Variants in MAF observed in about 807,000 individuals in gnomAD.
The protein encoded by MAF is transcription factor Maf.
MAF carries 10 observed loss-of-function variants against 22.0 expected under a neutral mutation model. The observed-to-expected ratio is 0.45, with a 90% CI of 0.28 to 0.77. The LOEUF is 0.77. Among genes scored for constraint, MAF ranks in the 30% least tolerant of loss-of-function variants. The pLI, the probability that MAF is intolerant of heterozygous loss-of-function variation, is 0.12. For synonymous variants in MAF, 337 were observed against 255.8 expected (o/e 1.32, Z -3.03); for missense variants, 544 against 548.4 (o/e 0.99, Z 0.08).
chr16:79,511,898 A>G, the MAF span, among the ~76,000 whole-genome samples: 2 of 152,180 alleles, frequency 1.3e-5, no homozygotes, highest in South Asian at 2.1e-4. Context: ...GTCTGCAAAC[A>G]TAAGCCACCT....
the MAF span, among the ~76,000 whole-genome samples, chr16:79,544,619 A>C: frequency 4.0e-5 from 6 of 151,844 alleles, no homozygotes; most frequent in African/African-American, 1.5e-4. Context: ...CTAAAAATAC[A>C]AAAAATTAGC....
chr16:79,587,873 G>A lies in MAF; in HGVS notation c.1119-1932C>T, dbSNP rs369691980. On this transcript the variant is annotated intron_variant, in intron 1 of 1. Transcript: ENST00000569649. ...ATCAAAGCATTTACTTTCAAAAGGG[G>A]GGGGGGGGTAGATACTATTTGCACA... Among the ~76,000 whole-genome samples the A allele has an allele frequency of 1.5e-3, 224 of 148,082 alleles. 4 individuals are homozygous for A. The highest frequency in any genetic ancestry group is 5.5e-3 in the African/African-American group (220 of 40,228).
chr16:79,481,097 G>C, the MAF span, among the ~76,000 whole-genome samples: 1 of 152,302 alleles, frequency 6.6e-6, no homozygotes, highest in Admixed American at 6.5e-5. Flanking sequence ...CCATAGGACA[G>C]AATTCTGTTC....
chr16:79,469,751 C>T, the MAF span, among the ~76,000 whole-genome samples: 10 of 152,160 alleles, frequency 6.6e-5, no homozygotes, highest in African/African-American at 2.2e-4. Flanking sequence ...TGCCCGCCAC[C>T]TTGTCTGGCT....
chr16:79,589,475 A>G (rs145457062), downstream of MAF, among the ~76,000 whole-genome samples: 10 of 152,174 alleles, frequency 6.6e-5, no homozygotes, highest in East Asian at 1.9e-3. Context: ...TCTGTCTCTA[A>G]CCGAAGCAGG....
chr16:79,354,576 C>G, the MAF span, among the ~76,000 whole-genome samples: 1 of 152,072 alleles, frequency 6.6e-6, no homozygotes, highest in African/African-American at 2.4e-5. Context: ...TGTAACTGGC[C>G]AGATAGCCAG....
chr16:79,474,986 C>A, the MAF span, among the ~76,000 whole-genome samples: 1 of 152,240 alleles, frequency 6.6e-6, no homozygotes, highest in Non-Finnish European at 1.5e-5. Flanking sequence ...TTTGTAGACA[C>A]TGTGCTGGTA....
At chr16:79,468,000 T>A in the MAF span, among the ~76,000 whole-genome samples, 2 of 152,116 alleles carry the variant, frequency 1.3e-5, no homozygotes, top group Non-Finnish European at 2.9e-5. Flanking sequence ...ATTAACATTA[T>A]TGATTGATCA....
the MAF span, among the ~76,000 whole-genome samples, chr16:79,355,138 G>C: frequency 2.0e-5 from 3 of 152,162 alleles, no homozygotes; most frequent in Admixed American, 2.0e-4. Flanking sequence ...TTAATCCAAA[G>C]TCTATCTTGC....
chr16:79,458,501 A>G, the MAF span, among the ~76,000 whole-genome samples: 1 of 152,214 alleles, frequency 6.6e-6, no homozygotes, highest in African/African-American at 2.4e-5. Flanking sequence ...ATGAGGTGAA[A>G]AACAAGTTTG....
the MAF span, among the ~76,000 whole-genome samples, chr16:79,448,527 G>A: frequency 6.6e-6 from 1 of 152,144 alleles, no homozygotes; most frequent in African/African-American, 2.4e-5. Flanking sequence ...CCAGGTCCAG[G>A]CAATTATCCT....
the MAF span, among the ~76,000 whole-genome samples, chr16:79,546,930 T>C: frequency 1.3e-5 from 2 of 152,188 alleles, no homozygotes; most frequent in Non-Finnish European, 2.9e-5. Context: ...CATCATTTTC[T>C]AAGCCAAATA....
the MAF span, among the ~76,000 whole-genome samples, chr16:79,233,785 A>G: frequency 2.0e-5 from 3 of 152,006 alleles, no homozygotes; most frequent in South Asian, 6.2e-4. Flanking sequence ...CAAGGTCAGG[A>G]GTTTGAGACC....
Position 79,598,859 on chromosome 16 carries a change from G to C in MAF, c.1044C>G (p.Tyr348Ter), listed in dbSNP as rs754836703. The change falls in exon 1 of 2, where the codon TAC (tyrosine) becomes TAG (stop). Residue 348 changes from tyrosine to a stop codon, truncating the protein, a stop_gained. Transcript: ENST00000326043. LOFTEE classifies it high-confidence loss of function. The part of the protein sequence containing the change: ...VRERDAYKEK[Y>*]EKLVSSGFRE... ...GGAAGCCGCTGCTCACCAACTTCTC[G>C]TATTTCTCCTTGTACGCGTCCCTCT... 6.2e-7 allele frequency: 1 copy of C among 1,613,846 alleles called. No individual in the cohort carries two copies. The highest frequency in any genetic ancestry group is 8.5e-7 in the Non-Finnish European group (1 of 1,179,990).
At chr16:79,529,546 A>G in the MAF span, among the ~76,000 whole-genome samples, 1 of 152,216 alleles carries the variant, frequency 6.6e-6, no homozygotes, top group Non-Finnish European at 1.5e-5. Flanking sequence ...TCTTAATAAT[A>G]TCTCAGAGGG....
the MAF span, among the ~76,000 whole-genome samples, chr16:79,218,802 C>G: frequency 6.6e-6 from 1 of 152,208 alleles, no homozygotes; most frequent in Non-Finnish European, 1.5e-5. Context: ...TCCATCCAAG[C>G]TACTGCACTG....
At chr16:79,307,117 A>G in the MAF span, among the ~76,000 whole-genome samples, 89 of 152,356 alleles carry the variant, frequency 5.8e-4, 1 homozygote, top group Non-Finnish European at 9.3e-4. Context: ...AAACAGGGAC[A>G]GTAGGTCTCC....
the MAF span, among the ~76,000 whole-genome samples, chr16:79,395,565 C>T: frequency 9.7e-4 from 148 of 152,152 alleles, no homozygotes; most frequent in Non-Finnish European, 1.0e-3. Flanking sequence ...TGCCATATGA[C>T]GGGGGGCAGA....
chr16:79,219,709 C>T, the MAF span, among the ~76,000 whole-genome samples: 1 of 152,234 alleles, frequency 6.6e-6, no homozygotes, highest in African/African-American at 2.4e-5. Context: ...CCATTTGTCT[C>T]TGACCCCGTT....
Sources: gnomAD v4.1 joint callset for allele counts (sites outside exome capture counted in the v4.1 genomes callset) on GRCh38, gnomAD v4.1.1 for gene constraint, MANE v1.5 for transcripts, NCBI Gene and HGNC (gene_info 2026-07-23, HGNC 2026-07-21) for gene names.